The following GALNS variants were observed in gnomAD, a reference collection of about 807,000 sequenced individuals.
GALNS encodes N-acetylgalactosamine-6-sulfatase.
In GALNS, 65 loss-of-function variants were observed where a neutral mutation model predicts 65.9. That is an observed-to-expected ratio of 0.99 (90% CI 0.81 to 1.21). The LOEUF (loss-of-function observed/expected upper bound fraction) is 1.21. GALNS is among the 50% of genes most tolerant of loss of function. The pLI is 0.00. For synonymous variants in GALNS, 346 were observed against 288.9 expected, an observed-to-expected ratio of 1.20 and a Z score of -2.00; for missense variants, 776 against 700.7, an observed-to-expected ratio of 1.11 and a Z score of -1.21.
At chr16:88,826,601 G>T in intron 10 of GALNS, 101 bp downstream of exon 10, 1 of 1,432,562 alleles carries the variant, frequency 7.0e-7, no homozygotes, top group South Asian at 1.3e-5. Context: ...CCTGTGTCCA[G>T]AACCAGGAGG....
At chr16:88,829,482 G>A (rs1336153079) in intron 9 of GALNS, among the ~76,000 whole-genome samples, 1 of 152,216 alleles carries the variant, frequency 6.6e-6, no homozygotes, top group Non-Finnish European at 1.5e-5. Context: ...CACCTTCAGG[G>A]TCCTGGGAAC....
intron 9 of GALNS, among the ~76,000 whole-genome samples, chr16:88,830,123 C>T (rs571336432): frequency 1.7e-4 from 25 of 148,274 alleles, no homozygotes; most frequent in African/African-American, 6.2e-4. Flanking sequence ...CCCAGCTACT[C>T]GGGAGGCTGA....
intron 11 of GALNS, 109 bp downstream of exon 11, chr16:88,824,658 G>A (rs1910615966): frequency 1.1e-6 from 1 of 879,978 alleles, no homozygotes; most frequent in Non-Finnish European, 1.9e-6. Context: ...AGGGGGTGGA[G>A]TTCCTGCCTG....
At chr16:88,832,908 C>T (rs985824550) in intron 8 of GALNS, among the ~76,000 whole-genome samples, 2 of 151,842 alleles carry the variant, frequency 1.3e-5, no homozygotes, top group Admixed American at 6.6e-5. Context: ...GGCTAAACCC[C>T]ATCTCTACAA....
intron 13 of GALNS, 132 bp from the exon 14 acceptor site, chr16:88,814,657 G>A (rs1014301497): frequency 3.8e-5 from 55 of 1,438,838 alleles, no homozygotes; most frequent in East Asian, 1.0e-4. Context: ...TCAGTGGCGC[G>A]ATCTTGGCTC....
At chr16:88,849,489 G>C (rs959235842) in intron 1 of GALNS, among the ~76,000 whole-genome samples, 5 of 152,132 alleles carry the variant, frequency 3.3e-5, no homozygotes, top group African/African-American at 9.7e-5. Context: ...GTTTCACCAT[G>C]TTGGCCAGGC....
intron 1 of GALNS, chr16:88,843,293 G>C (rs923513807): frequency 2.8e-6 from 3 of 1,078,476 alleles, no homozygotes; most frequent in South Asian, 1.4e-5. Context: ...CCCAGTTATC[G>C]TGTGACCCTG....
chr16:88,842,060 C>T (rs907824202), intron 2 of GALNS, 89 bp from the exon 3 acceptor site: 7 of 1,171,856 alleles, frequency 6.0e-6, no homozygotes, highest in Admixed American at 2.0e-5. Flanking sequence ...AGTAGACAGA[C>T]GCGTGACAGA....
intron 5 of GALNS, among the ~76,000 whole-genome samples, chr16:88,837,398 C>T (rs1373920061): frequency 3.3e-5 from 5 of 152,186 alleles, no homozygotes; most frequent in Admixed American, 2.0e-4. Flanking sequence ...CAGGGATCTA[C>T]GACCCTGAAA....
chr16:88,835,555 C>T (rs1486697492), intron 7 of GALNS, among the ~76,000 whole-genome samples, 170 bp downstream of exon 7: 1 of 152,226 alleles, frequency 6.6e-6, no homozygotes, highest in East Asian at 1.9e-4. Context: ...AGCACCCCCA[C>T]CACAGCCCTC....
chr16:88,818,210 G>A (rs1160213857), intron 12 of GALNS, 86 bp from the exon 13 acceptor site: 9 of 1,048,400 alleles, frequency 8.6e-6, no homozygotes, highest in East Asian at 7.6e-5. Flanking sequence ...AGGCTGCAGA[G>A]CTCTAACGGG....
chr16:88,827,876 C>T (rs1040807022), intron 9 of GALNS, among the ~76,000 whole-genome samples: 1 of 152,240 alleles, frequency 6.6e-6, no homozygotes, highest in Admixed American at 6.5e-5. Context: ...CGCTGCCAGG[C>T]CCTGGAGCTC....
intron 7 of GALNS, 21 bp from the exon 8 acceptor site, chr16:88,835,373 G>A (rs1449017019): frequency 3.7e-6 from 6 of 1,613,048 alleles, no homozygotes; most frequent in Non-Finnish European, 5.1e-6. Flanking sequence ...GTGACAAAAG[G>A]CATCTCCATA....
At chr16:88,816,090 GA>G (rs777047850) in intron 13 of GALNS, 5 of 985,452 alleles carry the variant, frequency 5.1e-6, no homozygotes, top group Non-Finnish European at 6.0e-6. Context: ...GGGCCCCTCA[GA>G]CCCCAGTGGC....
intron 1 of GALNS, chr16:88,844,891 C>A (rs1345680241): frequency 6.6e-6 from 1 of 152,280 alleles, no homozygotes; most frequent in East Asian, 1.9e-4. Context: ...TCAGCCCTGC[C>A]ACAAGCCAGC....
At chr16:88,841,999 T>C (rs1645805443) in intron 2 of GALNS, 28 bp from the exon 3 acceptor site, 3 of 1,597,546 alleles carry the variant, frequency 1.9e-6, no homozygotes, top group Non-Finnish European at 2.6e-6. Context: ...AAACAGAAAC[T>C]GGATAAGAAG....
intron 1 of GALNS, chr16:88,843,059 G>C: frequency 6.6e-7 from 1 of 1,518,856 alleles, no homozygotes; most frequent in Non-Finnish European, 8.8e-7. Flanking sequence ...GTGCACGATG[G>C]GGCCGCTCCA....
At chr16:88,833,797 C>A (rs754019931) in intron 8 of GALNS, among the ~76,000 whole-genome samples, 2 of 152,222 alleles carry the variant, frequency 1.3e-5, no homozygotes, top group Non-Finnish European at 2.9e-5. Context: ...TAGTCTTGTG[C>A]TGGGTGCTGG....
rs758439379 is a variant in GALNS, at chr16:88,832,089, C to A, written c.911G>T (p.Gly304Val). Residue 304 changes from glycine to valine, a missense_variant, in exon 9 of 14, where the codon GGC becomes GTC. Transcript: ENST00000268695. ...ISAPEQGGSN[G>V]PFLCGKQTTF... is the part of the protein sequence containing the mutation. The stretch of plus-strand genomic sequence containing the variant: ...GGTCTGCTTCCCACACAGAAAGGGG[C>A]CGTTGCTGCCACCTGGGAGAGAGGG... The A allele has an allele frequency of 8.7e-6, 14 of 1,613,752 alleles. No individual in the cohort carries two copies. Among genetic ancestry groups the A allele is most frequent in the Non-Finnish European group, 1.1e-5 (13 of 1,179,862 alleles).
Sources: gnomAD v4.1 joint callset for allele counts (sites outside exome capture counted in the v4.1 genomes callset) on GRCh38, gnomAD v4.1.1 for gene constraint, MANE v1.5 for transcripts, NCBI Gene and HGNC (gene_info 2026-07-23, HGNC 2026-07-21) for gene names.